Variants in NRXN3 observed in about 807,000 individuals in gnomAD.
NRXN3 encodes the protein neurexin 3.
Under a neutral mutation model 137.6 loss-of-function variants are expected in NRXN3, and 32 were observed. That is an observed-to-expected ratio of 0.23 (90% CI 0.18 to 0.31). The LOEUF is 0.31. Among genes scored for constraint, NRXN3 ranks in the 10% least tolerant of loss-of-function variants. NRXN3 has a pLI of 1.00. For synonymous variants in NRXN3, 798 were observed against 784.5 expected (o/e 1.02, Z -0.29); for missense variants, 1,574 against 2,062.5 (o/e 0.76, Z 4.59).
chr14:79,521,703 C>T (rs1320104396), intron 16 of NRXN3, among the ~76,000 whole-genome samples: 3 of 152,084 alleles, frequency 2.0e-5, no homozygotes, highest in African/African-American at 7.2e-5. Context: ...AGTTGTATTA[C>T]TTCTGTATTG....
intron 4 of NRXN3, among the ~76,000 whole-genome samples, chr14:78,604,434 G>C (rs189044910): frequency 6.2e-4 from 94 of 152,100 alleles, no homozygotes; most frequent in African/African-American, 2.2e-3. Context: ...CAAGAAGAGA[G>C]TGAAAAAAGA....
chr14:79,467,431 C>G (rs1447657829), intron 16 of NRXN3, 29 bp downstream of exon 16: 3 of 1,551,058 alleles, frequency 1.9e-6, no homozygotes, highest in Non-Finnish European at 2.6e-6. Flanking sequence ...CCTGGATTTT[C>G]TTATGTTACT....
chr14:78,382,511 A>G (rs117387655), intron 4 of NRXN3, among the ~76,000 whole-genome samples: 3,542 of 152,344 alleles, frequency 0.023, 66 homozygotes, highest in Non-Finnish European at 0.034. Flanking sequence ...ACTGAGCCAC[A>G]TAGATCTAGC....
chr14:78,955,220 TA>T (rs200589996), intron 10 of NRXN3, among the ~76,000 whole-genome samples: 1 of 152,132 alleles, frequency 6.6e-6, no homozygotes, highest in Non-Finnish European at 1.5e-5. Context: ...GATAAAAACA[TA>T]AAAAAACAAA....
chr14:79,812,833 C>T (rs2099238934), intron 20 of NRXN3, among the ~76,000 whole-genome samples: 1 of 152,034 alleles, frequency 6.6e-6, no homozygotes, highest in African/African-American at 2.4e-5. Context: ...ATTCCAAATG[C>T]CAATGCAAGT....
intron 16 of NRXN3, among the ~76,000 whole-genome samples, chr14:79,476,317 A>G (rs1322799036): frequency 6.6e-6 from 1 of 152,054 alleles, no homozygotes; most frequent in African/African-American, 2.4e-5. Flanking sequence ...CTGTATAACT[A>G]CATTAGCCTC....
chr14:79,324,828 GTGTATATA>G (rs2090606768), intron 15 of NRXN3, among the ~76,000 whole-genome samples: 1 of 152,116 alleles, frequency 6.6e-6, no homozygotes, highest in Middle Eastern at 3.2e-3. Context: ...AAGTATGTGT[GTGTATATA>G]TGTATATATA....
At chr14:78,648,721 A>G (rs961782018) in intron 5 of NRXN3, among the ~76,000 whole-genome samples, 3 of 152,184 alleles carry the variant, frequency 2.0e-5, no homozygotes, top group Non-Finnish European at 4.4e-5. Flanking sequence ...GGAGGATTTC[A>G]TGATCATTTA....
intron 16 of NRXN3, among the ~76,000 whole-genome samples, chr14:79,573,732 TGAA>T (rs2097636999): frequency 6.6e-6 from 1 of 152,238 alleles, no homozygotes; most frequent in East Asian, 1.9e-4. Context: ...TATATAATAA[TGAA>T]GTTGTCTTGG....
At chr14:79,762,803 C>A (rs2099043167) in intron 19 of NRXN3, among the ~76,000 whole-genome samples, 1 of 151,592 alleles carries the variant, frequency 6.6e-6, no homozygotes, top group African/African-American at 2.4e-5. Context: ...AAGAGAGAGG[C>A]AAAGTGATAG....
chr14:78,916,331 TC>T (rs2099255365), intron 10 of NRXN3, among the ~76,000 whole-genome samples: 1 of 152,188 alleles, frequency 6.6e-6, no homozygotes, highest in East Asian at 1.9e-4. Flanking sequence ...GATGAGTTTC[TC>T]TGCTAGAAAA....
At chr14:79,027,788 C>T (rs761223443) in intron 15 of NRXN3, among the ~76,000 whole-genome samples, 39 of 152,232 alleles carry the variant, frequency 2.6e-4, no homozygotes, top group Middle Eastern at 6.8e-3. Context: ...TAAAAAGATG[C>T]ATAGCTTTTA....
chr14:79,220,871 A>G (rs557088992), intron 15 of NRXN3, among the ~76,000 whole-genome samples: 70 of 152,214 alleles, frequency 4.6e-4, no homozygotes, highest in African/African-American at 1.6e-3. Flanking sequence ...CGTCACCTAC[A>G]TTAGGTATTT....
intron 1 of NRXN3, among the ~76,000 whole-genome samples, chr14:78,171,901 T>C (rs1162214552): frequency 6.6e-6 from 1 of 152,194 alleles, no homozygotes; most frequent in Non-Finnish European, 1.5e-5. Context: ...TAATACTTTT[T>C]TTTTTAATGC....
intron 15 of NRXN3, among the ~76,000 whole-genome samples, chr14:79,376,340 G>A (rs1264300209): frequency 6.8e-6 from 1 of 147,738 alleles, no homozygotes; most frequent in African/African-American, 2.5e-5. Flanking sequence ...CCTCCCCAAT[G>A]TATATATCAT....
chr14:79,187,545 A>C (rs1202877786), intron 15 of NRXN3, among the ~76,000 whole-genome samples: 2 of 152,186 alleles, frequency 1.3e-5, no homozygotes, highest in African/African-American at 4.8e-5. Flanking sequence ...TACCCTTCTA[A>C]AAGGTAATAT....
intron 20 of NRXN3, among the ~76,000 whole-genome samples, chr14:79,815,735 C>T (rs887788408): frequency 4.6e-5 from 7 of 152,098 alleles, no homozygotes; most frequent in Admixed American, 1.3e-4. Context: ...ATATTCCCAC[C>T]ATGGCTGATT....
chr14:79,724,211 T>A (rs1227341315), intron 19 of NRXN3, among the ~76,000 whole-genome samples: 1 of 152,078 alleles, frequency 6.6e-6, no homozygotes, highest in Non-Finnish European at 1.5e-5. Context: ...CCTTACTCCA[T>A]CCTCAAAGAT....
chr14:78,853,252 G>A (rs958768694), intron 10 of NRXN3, among the ~76,000 whole-genome samples: 1 of 152,126 alleles, frequency 6.6e-6, no homozygotes, highest in Non-Finnish European at 1.5e-5. Context: ...GGTGTGTGAT[G>A]TTCCCCTTCC....
Sources: gnomAD v4.1 joint callset for allele counts (sites outside exome capture counted in the v4.1 genomes callset) on GRCh38, gnomAD v4.1.1 for gene constraint, MANE v1.5 for transcripts, NCBI Gene and HGNC (gene_info 2026-07-23, HGNC 2026-07-21) for gene names.